The following WWOX variants were observed in gnomAD, a reference collection of about 807,000 sequenced individuals.
WWOX encodes WW domain containing oxidoreductase.
In WWOX, 69 loss-of-function variants were observed where a neutral mutation model predicts 46.2. That is an observed-to-expected ratio of 1.49 (90% CI 1.23 to 1.82). WWOX has a LOEUF of 1.82. Among genes scored for constraint, WWOX ranks in the 40% most tolerant of loss-of-function variants. WWOX has a pLI of 0.00. For missense variants in WWOX, 919 were observed against 542.6 expected (o/e 1.69, Z -6.89); for synonymous variants, 359 against 202.6 (o/e 1.77, Z -6.56).
intron 8 of WWOX, among the ~76,000 whole-genome samples, chr16:78,680,357 G>C (rs890423795): frequency 6.6e-6 from 1 of 151,930 alleles, no homozygotes; most frequent in Admixed American, 6.6e-5. Context: ...CAGCCTGAAC[G>C]ACGTAAAAAG....
At chr16:78,945,811 T>G (rs2045937832) in intron 8 of WWOX, among the ~76,000 whole-genome samples, 1 of 152,172 alleles carries the variant, frequency 6.6e-6, no homozygotes, top group East Asian at 1.9e-4. Flanking sequence ...GAAGCTGTCT[T>G]TAGTTCGTAT....
intron 8 of WWOX, among the ~76,000 whole-genome samples, chr16:78,937,601 CTTTATTTATTTA>C (rs10691593): frequency 0.015 from 2,113 of 142,622 alleles, 48 homozygotes; most frequent in African/African-American, 0.05. Context: ...AGCTATAGAG[CTTTATTTATTTA>C]TTTATTTATT....
chr16:79,135,419 A>G (rs1403726687), intron 8 of WWOX, among the ~76,000 whole-genome samples: 1 of 152,172 alleles, frequency 6.6e-6, no homozygotes, highest in Non-Finnish European at 1.5e-5. Context: ...GTCTGTCTTC[A>G]CCATCATTTA....
At chr16:78,108,190 T>G (rs1177583635) in intron 1 of WWOX, among the ~76,000 whole-genome samples, 1 of 151,072 alleles carries the variant, frequency 6.6e-6, no homozygotes, top group East Asian at 1.9e-4. Flanking sequence ...GCTCCCAAAG[T>G]GCTGGGATTA....
At position 78,240,701 on chromosome 16, in the gene WWOX, C is replaced by T. The variant is rs115128278; in HGVS notation, c.516+76412C>T. Among the ~76,000 whole-genome samples the T allele has an allele frequency of 6.9e-3, 1,053 of 152,206 alleles. 14 individuals carry two copies. The highest frequency in any genetic ancestry group is 0.023 in the African/African-American group (966 of 41,534). On this transcript the variant is annotated intron_variant, in intron 5 of 8. Coordinates refer to ENST00000566780, the MANE Select transcript of WWOX (RefSeq NM_016373.4). The stretch of plus-strand genomic sequence containing the variant: ...TTCGCAACTGTCATTCCAGAGCAGC[C>T]GTCTCGTGTTATGCATTTGCTTACT...
intron 8 of WWOX, among the ~76,000 whole-genome samples, chr16:78,566,095 G>T (rs563736629): frequency 1.1e-3 from 170 of 152,214 alleles, no homozygotes; most frequent in Middle Eastern, 3.4e-3. Flanking sequence ...TCTCTTTCTG[G>T]TTCCCAGATG....
chr16:79,113,985 G>A (rs997641865), intron 8 of WWOX, among the ~76,000 whole-genome samples: 3 of 152,164 alleles, frequency 2.0e-5, no homozygotes, highest in Admixed American at 1.3e-4. Flanking sequence ...TATGTCTGGC[G>A]ATGTGCTCGC....
intron 8 of WWOX, among the ~76,000 whole-genome samples, chr16:79,015,098 G>A (rs760167679): frequency 5.9e-5 from 9 of 152,158 alleles, no homozygotes; most frequent in Non-Finnish European, 1.2e-4. Flanking sequence ...GATGTGTCGG[G>A]GGCCACAGGA....
Position 78,915,115 on chromosome 16 carries a change from G to A in WWOX, c.1057-296493G>A, listed in dbSNP as rs544964635. On this transcript the variant is annotated intron_variant, in intron 8 of 8. Coordinates refer to ENST00000566780, the MANE Select transcript of WWOX (RefSeq NM_016373.4). Reference sequence around the variant, plus strand: ...TGGCTGGTTAAATGGAGATCAAGTGGCAGCTTGGACTCCTGCTGCAATTAA... The same window carrying A: ...TGGCTGGTTAAATGGAGATCAAGTGACAGCTTGGACTCCTGCTGCAATTAA... 3.2e-4 allele frequency among the ~76,000 whole-genome samples: 48 copies of A among 152,112 alleles called. 1 individual carries two copies. Among genetic ancestry groups the A allele is most frequent in the Non-Finnish European group, 6.5e-4 (44 of 68,034 alleles).
intron 8 of WWOX, among the ~76,000 whole-genome samples, chr16:79,130,473 C>T (rs1164888483): frequency 2.0e-5 from 3 of 152,022 alleles, no homozygotes; most frequent in African/African-American, 7.2e-5. Context: ...TTAGTAAAGG[C>T]CTCAGAGAGA....
chr16:78,540,870 G>C (rs896493076), intron 8 of WWOX, among the ~76,000 whole-genome samples: 1 of 152,006 alleles, frequency 6.6e-6, no homozygotes, highest in South Asian at 2.1e-4. Context: ...ATTTTTCTTA[G>C]AGGTAGAGCC....
At chr16:78,780,715 G>T (rs574991718) in intron 8 of WWOX, among the ~76,000 whole-genome samples, 1 of 152,130 alleles carries the variant, frequency 6.6e-6, no homozygotes, top group African/African-American at 2.4e-5. Context: ...GGAAGTGCAG[G>T]GTCCCTGAGG....
intron 5 of WWOX, among the ~76,000 whole-genome samples, chr16:78,195,821 C>CAAAAAAAAAAAA (rs148609646): frequency 1.1e-4 from 8 of 75,976 alleles, no homozygotes; most frequent in Admixed American, 1.7e-4. Flanking sequence ...GACTCTGCCT[C>CAAAAAAAAAAAA]AAAAAAAAAA....
At chr16:78,849,589 A>G (rs903790939) in intron 8 of WWOX, among the ~76,000 whole-genome samples, 3 of 148,058 alleles carry the variant, frequency 2.0e-5, no homozygotes, top group Non-Finnish European at 4.5e-5. Flanking sequence ...AAAAAAAAAA[A>G]AAAGAAAACA....
intron 5 of WWOX, among the ~76,000 whole-genome samples, chr16:78,184,510 A>C (rs887162507): frequency 1.3e-5 from 2 of 152,228 alleles, no homozygotes; most frequent in African/African-American, 4.8e-5. Flanking sequence ...AATTAAAAAT[A>C]TTAAACAGCT....
At chr16:78,868,228 A>G (rs1207869758) in intron 8 of WWOX, among the ~76,000 whole-genome samples, 1 of 152,206 alleles carries the variant, frequency 6.6e-6, no homozygotes, top group Non-Finnish European at 1.5e-5. Flanking sequence ...ACCTTTAATA[A>G]CATAGATGAA....
intron 8 of WWOX, among the ~76,000 whole-genome samples, chr16:79,157,579 C>T (rs1056170702): frequency 2.0e-5 from 3 of 152,056 alleles, no homozygotes; most frequent in South Asian, 4.1e-4. Context: ...ATTTGGTGCA[C>T]GATGAAACTG....
intron 8 of WWOX, among the ~76,000 whole-genome samples, chr16:78,586,980 C>T (rs780998256): frequency 1.3e-5 from 2 of 152,088 alleles, no homozygotes; most frequent in East Asian, 1.9e-4. Flanking sequence ...AATTTGAAAA[C>T]CTCTACTAAT....
intron 4 of WWOX, among the ~76,000 whole-genome samples, chr16:78,119,250 C>G (rs148110933): frequency 7.9e-5 from 12 of 152,290 alleles, no homozygotes; most frequent in African/African-American, 2.9e-4. Context: ...ATGCCTTCAG[C>G]ACGGTGAACA....
Sources: allele counts gnomAD v4.1 joint callset (sites outside exome capture counted in the v4.1 genomes callset), GRCh38; gene constraint gnomAD v4.1.1; transcripts MANE v1.5; gene names NCBI Gene and HGNC (gene_info 2026-07-23, HGNC 2026-07-21).